Variants in ATRNL1 observed in about 807,000 individuals in gnomAD.
ATRNL1 encodes attractin-like protein 1.
Under a neutral mutation model 182.7 loss-of-function variants are expected in ATRNL1, and 95 were observed. That is an observed-to-expected ratio of 0.52 (90% CI 0.44 to 0.62). The LOEUF is 0.62. Among genes scored for constraint, ATRNL1 ranks in the 20% least tolerant of loss-of-function variants. The pLI, the probability that ATRNL1 is intolerant of heterozygous loss-of-function variation, is 0.00. For missense variants in ATRNL1, 1,471 were observed against 1,679.5 expected, an observed-to-expected ratio of 0.88 and a Z score of 2.17; for synonymous variants, 576 against 568.3, an observed-to-expected ratio of 1.01 and a Z score of -0.19.
intron 19 of ATRNL1, among the ~76,000 whole-genome samples, chr10:115,363,983 G>T (rs1856888612): frequency 6.6e-6 from 1 of 152,058 alleles, no homozygotes; most frequent in South Asian, 2.1e-4. Flanking sequence ...TTTGGCTTAG[G>T]ATTGACTTGG....
intron 26 of ATRNL1, among the ~76,000 whole-genome samples, chr10:115,680,835 C>T (rs1946022657): frequency 1.3e-5 from 2 of 152,040 alleles, no homozygotes; most frequent in Admixed American, 1.3e-4. Context: ...GAAGTGTATC[C>T]TTGAGCTTTG....
intron 26 of ATRNL1, among the ~76,000 whole-genome samples, chr10:115,613,676 A>G (rs1343756538): frequency 1.3e-5 from 2 of 152,108 alleles, no homozygotes; most frequent in African/African-American, 4.8e-5. Context: ...TTATTAGAAG[A>G]CTATTACTGG....
intron 1 of ATRNL1, among the ~76,000 whole-genome samples, chr10:115,117,057 G>GATATAT (rs1286669001): frequency 2.0e-5 from 3 of 151,848 alleles, no homozygotes; most frequent in Non-Finnish European, 4.4e-5. Flanking sequence ...GAGGAAGGGG[G>GATATAT]ATATATATTT....
At chr10:115,712,750 C>A (rs1947098767) in intron 26 of ATRNL1, among the ~76,000 whole-genome samples, 2 of 151,926 alleles carry the variant, frequency 1.3e-5, no homozygotes, top group African/African-American at 4.8e-5. Context: ...CGCCTGTAAT[C>A]CCAGCTACTC....
chr10:115,454,386 AT>A (rs2134499637), intron 21 of ATRNL1, among the ~76,000 whole-genome samples: 2 of 151,948 alleles, frequency 1.3e-5, no homozygotes, highest in South Asian at 4.2e-4. Flanking sequence ...TATTTGGGTT[AT>A]TTGGTGGTTC....
intron 28 of ATRNL1, among the ~76,000 whole-genome samples, chr10:115,899,480 G>A (rs1555113217): frequency 6.6e-6 from 1 of 152,004 alleles, no homozygotes; most frequent in Admixed American, 6.6e-5. Flanking sequence ...TGCTAATTTT[G>A]TATTTTTAGT....
chr10:115,688,638 C>T (rs1406431863), intron 26 of ATRNL1, among the ~76,000 whole-genome samples: 1 of 151,962 alleles, frequency 6.6e-6, no homozygotes, highest in African/African-American at 2.4e-5. Flanking sequence ...TATTCGTGTC[C>T]TTTTCTCATG....
chr10:115,276,893 T>C (rs1489080841), intron 13 of ATRNL1, among the ~76,000 whole-genome samples: 2 of 152,130 alleles, frequency 1.3e-5, no homozygotes, highest in Non-Finnish European at 2.9e-5. Flanking sequence ...AATAAATGAC[T>C]ATATTTTTCT....
intron 24 of ATRNL1, among the ~76,000 whole-genome samples, chr10:115,510,544 A>G (rs1554982416): frequency 1.3e-5 from 2 of 152,036 alleles, no homozygotes; most frequent in African/African-American, 4.8e-5. Flanking sequence ...AGTATTTTAT[A>G]TATATTTTCT....
intron 26 of ATRNL1, among the ~76,000 whole-genome samples, chr10:115,602,439 AC>A (rs1856644957): frequency 1.8e-5 from 2 of 112,678 alleles, no homozygotes; most frequent in African/African-American, 7.6e-5. Flanking sequence ...TTGTTTACAC[AC>A]ACAAAAAAAC....
intron 28 of ATRNL1, among the ~76,000 whole-genome samples, chr10:115,855,609 G>A (rs1307581101): frequency 6.6e-6 from 1 of 152,128 alleles, no homozygotes; most frequent in Admixed American, 6.5e-5. Flanking sequence ...CAAAAAAGAT[G>A]TGCAAAAGAT....
chr10:115,557,263 C>T (rs546229492), intron 26 of ATRNL1, among the ~76,000 whole-genome samples: 26 of 152,150 alleles, frequency 1.7e-4, no homozygotes, highest in Admixed American at 1.6e-3. Context: ...TTGCATCTGG[C>T]ATGAGGAAAC....
intron 27 of ATRNL1, among the ~76,000 whole-genome samples, chr10:115,821,175 A>C (rs1950287333): frequency 6.6e-6 from 1 of 152,182 alleles, no homozygotes; most frequent in Non-Finnish European, 1.5e-5. Flanking sequence ...GTATATCTTT[A>C]TAGCAGTGTG....
chr10:115,623,680 C>A (rs530438481), intron 26 of ATRNL1, among the ~76,000 whole-genome samples: 23 of 151,696 alleles, frequency 1.5e-4, no homozygotes, highest in African/African-American at 5.6e-4. Context: ...AAACAAATAC[C>A]ACAATCAGTT....
At chr10:115,548,646 A>G (rs1345277569) in intron 25 of ATRNL1, among the ~76,000 whole-genome samples, 1 of 152,220 alleles carries the variant, frequency 6.6e-6, no homozygotes, top group Non-Finnish European at 1.5e-5. Context: ...GTCAGGCTTG[A>G]GTTACTTCTA....
At chr10:115,546,192 G>A (rs1429212534) in intron 25 of ATRNL1, among the ~76,000 whole-genome samples, 1 of 151,956 alleles carries the variant, frequency 6.6e-6, no homozygotes, top group African/African-American at 2.4e-5. Flanking sequence ...AGTTCTTAAG[G>A]GTATGATGGT....
intron 18 of ATRNL1, among the ~76,000 whole-genome samples, chr10:115,332,848 C>T (rs1311589095): frequency 6.6e-6 from 1 of 151,932 alleles, no homozygotes; most frequent in Non-Finnish European, 1.5e-5. Context: ...TTCAATGTTC[C>T]ATATACATAT....
intron 19 of ATRNL1, among the ~76,000 whole-genome samples, chr10:115,352,074 T>C (rs1274123407): frequency 6.6e-6 from 1 of 152,120 alleles, no homozygotes; most frequent in Non-Finnish European, 1.5e-5. Context: ...TTTATACTTG[T>C]CTCCCAGGCT....
chr10:115,094,633 C>A (rs1554862696), intron 1 of ATRNL1, among the ~76,000 whole-genome samples: 1 of 152,112 alleles, frequency 6.6e-6, no homozygotes, highest in African/African-American at 2.4e-5. Flanking sequence ...CTCATTTATT[C>A]CCTACAACAA....
Sources: allele counts gnomAD v4.1 joint callset (sites outside exome capture counted in the v4.1 genomes callset), GRCh38; gene constraint gnomAD v4.1.1; transcripts MANE v1.5; gene names NCBI Gene and HGNC (gene_info 2026-07-23, HGNC 2026-07-21).